PTGES3: variants seen among roughly 807,000 people sequenced by gnomAD.
The protein encoded by PTGES3 is prostaglandin E synthase 3.
A neutral mutation model predicts 29.9 loss-of-function variants in PTGES3; 5 were observed. That is an observed-to-expected ratio of 0.17 (90% CI 0.09 to 0.35). The LOEUF (loss-of-function observed/expected upper bound fraction) is 0.35, where lower values mean the gene tolerates loss of function less well. Among genes scored for constraint, PTGES3 ranks in the 10% least tolerant of loss-of-function variants. The probability of loss-of-function intolerance (pLI) is 1.00; values close to 1 mark genes in which losing one functional copy is unlikely to be tolerated. For synonymous variants in PTGES3, 49 were observed against 57.8 expected (o/e 0.85, Z 0.69); for missense variants, 128 against 190.0 (o/e 0.67, Z 1.92).
At chr12:56,682,533 G>T (rs1337193439) in intron 1 of PTGES3, among the ~76,000 whole-genome samples, 3 of 151,958 alleles carry the variant, frequency 2.0e-5, no homozygotes, top group Non-Finnish European at 4.4e-5. Context: ...TCCAGCCTGG[G>T]CAAAGTAGTG....
chr12:56,683,957 CAAAAAAAA>C (rs11386164), intron 1 of PTGES3, among the ~76,000 whole-genome samples: 5 of 109,326 alleles, frequency 4.6e-5, no homozygotes, highest in Non-Finnish European at 3.5e-5. Context: ...AACTCCGTCT[CAAAAAAAA>C]AAAAAACAAA....
At chr12:56,669,702 C>A (rs1487125806) in intron 5 of PTGES3, among the ~76,000 whole-genome samples, 1 of 152,148 alleles carries the variant, frequency 6.6e-6, no homozygotes, top group African/African-American at 2.4e-5. Context: ...TCCTCTGCCT[C>A]CAGCGTTCAA....
At chr12:56,671,628 T>C (rs1431159769) in intron 4 of PTGES3, 121 bp downstream of exon 4, 6 of 502,456 alleles carry the variant, frequency 1.2e-5, no homozygotes, top group Non-Finnish European at 6.9e-6. Flanking sequence ...AACATGAACA[T>C]GAGGCTTTAT....
chr12:56,665,870 T>C, intron 6 of PTGES3: 1 of 911,046 alleles, frequency 1.1e-6, no homozygotes, highest in Non-Finnish European at 1.3e-6. Flanking sequence ...CCTCACGTAC[T>C]CTGCCCACCT....
rs554800185 is a variant in PTGES3, at chr12:56,681,510, C to T, written c.2+6488G>A. ...CAAAGATCACGCCACTGCACTCCAG[C>T]CTGGGCAACAGAGTGAGACTCCATC... On this transcript the variant is annotated intron_variant, in intron 1 of 7. Coordinates refer to ENST00000262033, the MANE Select transcript of PTGES3 (RefSeq NM_006601.7). 3.1e-5 allele frequency among the ~76,000 whole-genome samples: 4 copies of T among 128,228 alleles called. No homozygotes were observed. In the East Asian group the frequency reaches 9.2e-4, roughly 29 times the overall value. 84.1% of individuals were successfully genotyped at this position (128,228 alleles called of 152,430 possible).
In PTGES3 at chr12:56,671,795, C is replaced by T. The variant is rs1233494425; in HGVS notation, c.239G>A (p.Gly80Glu). The T allele has an allele frequency of 3.8e-6, 6 of 1,578,494 alleles. No homozygotes were observed. Among genetic ancestry groups the T allele is most frequent in the Non-Finnish European group, 5.2e-6 (6 of 1,161,140 alleles). Residue 80 changes from glycine to glutamate, a missense_variant, in exon 4 of 8, where the codon GGA becomes GAA. Transcript: ENST00000262033. ...CCTTGGCCATGACTGGCCAGATTCT[C>T]CTTTTCGTAAACAACATAAAATTGA... ...DRSILCCLRK[G>E]ESGQSWPRLT...
At chr12:56,666,634 T>A (rs568644895) in intron 5 of PTGES3, among the ~76,000 whole-genome samples, 3 of 150,862 alleles carry the variant, frequency 2.0e-5, no homozygotes, top group Admixed American at 6.6e-5. Flanking sequence ...ATTAAGGTAT[T>A]CTTTTTTTTT....
At position 56,681,036 on chromosome 12, in the gene PTGES3, T is replaced by C. The variant is rs147410430; in HGVS notation, c.2+6962A>G. 1.3e-3 allele frequency among the ~76,000 whole-genome samples: 202 copies of C among 152,156 alleles called. 4 individuals are homozygous for C. The highest frequency in any genetic ancestry group is 4.8e-3 in the African/African-American group (198 of 41,532). On this transcript the variant is annotated intron_variant, in intron 1 of 7. Coordinates refer to ENST00000262033, the MANE Select transcript of PTGES3 (RefSeq NM_006601.7). ...ATGCATCCACCCCGGCCTCCCAAAG[T>C]GCTGGGATTACAGGTGTGAGTCACC...
At chr12:56,665,277 T>C (rs1014746682) in intron 6 of PTGES3, 1 of 954,750 alleles carries the variant, frequency 1.0e-6, no homozygotes, top group Non-Finnish European at 1.2e-6. Flanking sequence ...AGATTTCCAA[T>C]GTCCATCTTT....
chr12:56,666,689 G>A (rs1029255521), intron 5 of PTGES3, among the ~76,000 whole-genome samples: 1 of 151,982 alleles, frequency 6.6e-6, no homozygotes, highest in East Asian at 1.9e-4. Context: ...GTATGGTGGC[G>A]TGATCTCAGC....
chr12:56,682,721 GAAAA>G (rs754040277), intron 1 of PTGES3, among the ~76,000 whole-genome samples: 2 of 114,290 alleles, frequency 1.7e-5, no homozygotes, highest in East Asian at 2.6e-4. Context: ...CCATTTAAAA[GAAAA>G]AAAAAAAAAA....
chr12:56,682,651 G>A (rs978277328), intron 1 of PTGES3, among the ~76,000 whole-genome samples: 4 of 147,580 alleles, frequency 2.7e-5, no homozygotes, highest in East Asian at 4.1e-4. Context: ...ACTTTGGGAG[G>A]AAGATCACTT....
intron 1 of PTGES3, among the ~76,000 whole-genome samples, chr12:56,674,116 C>T (rs1409692408): frequency 6.6e-6 from 1 of 152,152 alleles, no homozygotes; most frequent in Non-Finnish European, 1.5e-5. Context: ...GAAGTCCTAA[C>T]CCCCAGTACA....
chr12:56,678,160 T>C (rs1185166984), intron 1 of PTGES3, among the ~76,000 whole-genome samples: 1 of 152,108 alleles, frequency 6.6e-6, no homozygotes, highest in Non-Finnish European at 1.5e-5. Flanking sequence ...TCCTCACATA[T>C]TACAAATAGG....
intron 1 of PTGES3, among the ~76,000 whole-genome samples, chr12:56,682,758 CCTGT>C (rs1384515864): frequency 7.0e-6 from 1 of 143,772 alleles, no homozygotes; most frequent in Non-Finnish European, 1.5e-5. Flanking sequence ...GTGGCTCACA[CCTGT>C]AATCCTAGCA....
intron 5 of PTGES3, among the ~76,000 whole-genome samples, chr12:56,667,266 A>T (rs1254375410): frequency 1.3e-5 from 2 of 152,226 alleles, no homozygotes; most frequent in African/African-American, 4.8e-5. Flanking sequence ...CCAAGAAATG[A>T]TTTAAACTTA....
chr12:56,684,965 A>G (rs1295912491), intron 1 of PTGES3, among the ~76,000 whole-genome samples: 1 of 152,146 alleles, frequency 6.6e-6, no homozygotes, highest in Non-Finnish European at 1.5e-5. Flanking sequence ...AGCTTAAAAA[A>G]AATTTATTAG....
intron 1 of PTGES3, among the ~76,000 whole-genome samples, chr12:56,683,776 G>A (rs868519106): frequency 4.0e-5 from 6 of 151,410 alleles, no homozygotes; most frequent in Admixed American, 6.6e-5. Context: ...TGGCTAACAC[G>A]GTGAAACCCC....
chr12:56,679,387 C>G (rs555988869), intron 1 of PTGES3, among the ~76,000 whole-genome samples: 1 of 103,664 alleles, frequency 9.6e-6, no homozygotes, highest in Non-Finnish European at 1.8e-5. Flanking sequence ...CCAGCCTGGG[C>G]AACAGAGTGA....
Sources: gnomAD v4.1 joint callset for allele counts (sites outside exome capture counted in the v4.1 genomes callset) on GRCh38, gnomAD v4.1.1 for gene constraint, MANE v1.5 for transcripts, NCBI Gene and HGNC (gene_info 2026-07-23, HGNC 2026-07-21) for gene names.